Variants in CHRM3 observed in about 807,000 individuals in gnomAD.
The protein encoded by CHRM3 is muscarinic acetylcholine receptor M3.
Under a neutral mutation model 41.8 loss-of-function variants are expected in CHRM3, and 11 were observed. The observed-to-expected ratio is 0.26, with a 90% confidence interval of 0.17 to 0.44. The LOEUF is 0.44. Ranked by LOEUF, CHRM3 falls within the 20% of genes least tolerant of loss-of-function variation. CHRM3 has a pLI of 1.00. For missense variants in CHRM3, 571 were observed against 745.4 expected (o/e 0.77, Z 2.72); for synonymous variants, 297 against 301.4 (o/e 0.99, Z 0.15).
intron 5 of CHRM3, among the ~76,000 whole-genome samples, chr1:239,756,018 T>C (rs1666214267): frequency 6.6e-6 from 1 of 152,178 alleles, no homozygotes; most frequent in South Asian, 2.1e-4. Context: ...AAATCCACCT[T>C]TGAAAGTGAG....
intron 5 of CHRM3, among the ~76,000 whole-genome samples, chr1:239,732,126 G>A (rs936050609): frequency 1.3e-5 from 2 of 151,954 alleles, no homozygotes; most frequent in Non-Finnish European, 2.9e-5. Context: ...TCCATACACT[G>A]ATGAAGTTCA....
intron 6 of CHRM3, among the ~76,000 whole-genome samples, chr1:239,872,312 G>C (rs567775604): frequency 1.3e-5 from 2 of 152,204 alleles, no homozygotes; most frequent in Non-Finnish European, 2.9e-5. Context: ...TCTATAAAAT[G>C]AGGTGATGAA....
chr1:239,520,028 T>C (rs1669537234), intron 2 of CHRM3, among the ~76,000 whole-genome samples: 1 of 152,182 alleles, frequency 6.6e-6, no homozygotes, highest in Non-Finnish European at 1.5e-5. Flanking sequence ...AACTAGTTCT[T>C]ACTCTTTCAC....
chr1:239,828,478 T>C (rs1217777181), intron 6 of CHRM3, among the ~76,000 whole-genome samples: 1 of 152,078 alleles, frequency 6.6e-6, no homozygotes, highest in Non-Finnish European at 1.5e-5. Context: ...AGAGCATGAA[T>C]AAGATGGCTT....
chr1:239,523,941 C>A (rs1669824123), intron 2 of CHRM3, among the ~76,000 whole-genome samples: 1 of 152,064 alleles, frequency 6.6e-6, no homozygotes, highest in Non-Finnish European at 1.5e-5. Context: ...GTTGGGAAAT[C>A]ACACACAGCA....
intron 4 of CHRM3, among the ~76,000 whole-genome samples, chr1:239,645,577 A>G (rs1558415561): frequency 6.6e-6 from 1 of 152,356 alleles, no homozygotes; most frequent in East Asian, 1.9e-4. Flanking sequence ...TAAATAAAAG[A>G]AACATTTGAG....
intron 5 of CHRM3, among the ~76,000 whole-genome samples, chr1:239,807,841 CACACAT>C (rs1324945441): frequency 8.4e-4 from 116 of 138,508 alleles, no homozygotes; most frequent in Admixed American, 8.0e-3. Context: ...CACACACACA[CACACAT>C]ACACACACAC....
intron 5 of CHRM3, among the ~76,000 whole-genome samples, chr1:239,726,789 A>G (rs1663479968): frequency 6.6e-6 from 1 of 151,974 alleles, no homozygotes; most frequent in Non-Finnish European, 1.5e-5. Context: ...TGGTGTGTTG[A>G]TGAGACTGTG....
chr1:239,663,297 G>C (rs1404964813), intron 4 of CHRM3, among the ~76,000 whole-genome samples: 1 of 152,084 alleles, frequency 6.6e-6, no homozygotes, highest in East Asian at 1.9e-4. Flanking sequence ...TGTCTTCTCA[G>C]GTAACTCAAA....
chr1:239,563,526 T>C (rs751080906), intron 3 of CHRM3, among the ~76,000 whole-genome samples: 5 of 152,184 alleles, frequency 3.3e-5, no homozygotes, highest in Non-Finnish European at 5.9e-5. Flanking sequence ...TATTTTTAAA[T>C]CTAAAAGATT....
intron 4 of CHRM3, among the ~76,000 whole-genome samples, chr1:239,643,525 C>T (rs1485870616): frequency 6.6e-6 from 1 of 152,196 alleles, no homozygotes; most frequent in East Asian, 1.9e-4. Context: ...TCTCAGACTG[C>T]TGTGCTAGTA....
chr1:239,422,600 C>T (rs1322961477), intron 1 of CHRM3, among the ~76,000 whole-genome samples: 1 of 151,882 alleles, frequency 6.6e-6, no homozygotes, highest in Admixed American at 6.6e-5. Context: ...TAGAGACCAC[C>T]CTGGCTAACA....
At chr1:239,530,627 A>G (rs1382909270) in intron 2 of CHRM3, among the ~76,000 whole-genome samples, 1 of 152,196 alleles carries the variant, frequency 6.6e-6, no homozygotes, top group Non-Finnish European at 1.5e-5. Flanking sequence ...ATTGAAGAAT[A>G]AAGTATGTGC....
At chr1:239,647,321 G>T (rs1266482327) in intron 4 of CHRM3, among the ~76,000 whole-genome samples, 1 of 152,028 alleles carries the variant, frequency 6.6e-6, no homozygotes, top group Non-Finnish European at 1.5e-5. Flanking sequence ...AAGAATCTTT[G>T]GTCTTTAACT....
At chr1:239,526,674 A>C (rs575776928) in intron 2 of CHRM3, among the ~76,000 whole-genome samples, 2 of 152,346 alleles carry the variant, frequency 1.3e-5, no homozygotes, top group South Asian at 4.1e-4. Context: ...TTTCTGGATT[A>C]GCGAAAAAGA....
chr1:239,848,921 A>C (rs1477335252), intron 6 of CHRM3, among the ~76,000 whole-genome samples: 1 of 152,196 alleles, frequency 6.6e-6, no homozygotes, highest in Non-Finnish European at 1.5e-5. Context: ...TAGGATTAAA[A>C]AATAATTTGA....
chr1:239,756,863 A>G lies in CHRM3; in HGVS notation c.-146-70389A>G, dbSNP rs145914737. On this transcript the variant is annotated intron_variant, in intron 5 of 6. Coordinates refer to ENST00000676153, the MANE Select transcript of CHRM3 (RefSeq NM_001375978.1). ...CACATAATTTTGCATAATGCTTTGC[A>G]TAATAATTTTGCACAGAGGTATATT... Among the ~76,000 whole-genome samples the G allele has an allele frequency of 2.1e-3, 313 of 152,328 alleles. 1 individual carries two copies. The highest frequency in any genetic ancestry group is 7.2e-3 in the African/African-American group (298 of 41,568).
intron 1 of CHRM3, among the ~76,000 whole-genome samples, chr1:239,416,919 A>T (rs956341430): frequency 2.6e-5 from 4 of 152,188 alleles, no homozygotes; most frequent in Admixed American, 2.6e-4. Context: ...GAGGAACATG[A>T]TAGCAAAGAT....
chr1:239,744,510 G>A (rs1665173735), intron 5 of CHRM3, among the ~76,000 whole-genome samples: 1 of 152,088 alleles, frequency 6.6e-6, no homozygotes, highest in African/African-American at 2.4e-5. Context: ...GGACCTTTCA[G>A]GTAAGGGACC....
Sources: gnomAD v4.1 joint callset for allele counts (sites outside exome capture counted in the v4.1 genomes callset) on GRCh38, gnomAD v4.1.1 for gene constraint, MANE v1.5 for transcripts, NCBI Gene and HGNC (gene_info 2026-07-23, HGNC 2026-07-21) for gene names.